The following SLC1A5 variants were observed in gnomAD, a reference collection of about 807,000 sequenced individuals.
SLC1A5 encodes the protein neutral amino acid transporter B(0).
SLC1A5 carries 25 observed loss-of-function variants against 34.9 expected under a neutral mutation model. That is an observed-to-expected ratio of 0.72 (90% CI 0.52 to 1.00). SLC1A5 has a LOEUF of 1.00. Among genes scored for constraint, SLC1A5 ranks in the 50% least tolerant of loss-of-function variants. SLC1A5 has a pLI of 0.00. For missense variants in SLC1A5, 637 were observed against 740.0 expected (o/e 0.86, Z 1.61); for synonymous variants, 351 against 341.2 (o/e 1.03, Z -0.32).
intron 4 of SLC1A5, 37 bp downstream of exon 4, chr19:46,782,346 A>ACCCCACCCCCCCCC: frequency 1.8e-6 from 1 of 567,986 alleles, no homozygotes; most frequent in Non-Finnish European, 3.2e-6. Flanking sequence ...CGACCCTCCA[A>ACCCCACCCCCCCCC]CCCCACCCAC....
chr19:46,782,692 C>T, intron 3 of SLC1A5, 143 bp from the exon 4 acceptor site: 1 of 911,528 alleles, frequency 1.1e-6, no homozygotes, highest in South Asian at 1.7e-5. Flanking sequence ...CAGTCCAGGT[C>T]CAGGGGAAAT....
Position 46,779,207 on chromosome 19 carries a change from C to A in SLC1A5, c.825-299G>T, listed in dbSNP as rs895705105. Among the ~76,000 whole-genome samples the A allele has an allele frequency of 2.6e-5, 4 of 151,048 alleles. No homozygotes were observed. The South Asian group carries it at 8.4e-4, about 32-fold the overall frequency. ...TGGGAGGCTGAGGTGGGTGGATCAC[C>A]TGAGGTCGGGAGTTCAAGACCAGCC... On this transcript the variant is annotated intron_variant, in intron 4 of 7. Transcript: ENST00000542575.
intron 1 of SLC1A5, 106 bp from the exon 2 acceptor site, chr19:46,784,665 G>T (rs773796046): frequency 1.2e-6 from 2 of 1,604,304 alleles, no homozygotes; most frequent in African/African-American, 2.7e-5. Context: ...AGCTTTGGGG[G>T]CCCGCCTGCA....
At position 46,775,767 on chromosome 19, in the gene SLC1A5, A is replaced by G. The variant is rs1380733182; in HGVS notation, c.1389-20T>C. ...CGGTCGCTAAAGGGGTAGAAATGAC[A>G]GCAAAGTAAGCGGGAGGGGAGAGGG... On this transcript the variant is annotated intron_variant, in intron 7 of 7. Coordinates refer to ENST00000542575, the MANE Select transcript of SLC1A5 (RefSeq NM_005628.3). The G allele has an allele frequency of 6.2e-7, 1 of 1,606,798 alleles. No individual in the cohort carries two copies. The highest frequency in any genetic ancestry group is 8.5e-7 in the Non-Finnish European group (1 of 1,174,954).
chr19:46,777,401 C>T lies in SLC1A5; in HGVS notation c.1063G>A (p.Ala355Thr). Residue 355 changes from alanine (A) to threonine (T), a missense_variant, in exon 6 of 8, where the codon GCC becomes ACC. Physicochemically the swap from Ala to Thr is moderately conservative, Grantham distance 58. Coordinates refer to ENST00000542575, the MANE Select transcript of SLC1A5 (RefSeq NM_005628.3). ...ATAFGTSSSS[A>T]TLPLMMKCVE... ...CACTTCATCATCAGCGGCAGCGTGGCGGAACTGCAAGGGATGGGGGAGCTG... is the reference window on the plus strand; with the variant it reads ...CACTTCATCATCAGCGGCAGCGTGGTGGAACTGCAAGGGATGGGGGAGCTG... 1 of 1,605,954 alleles carries T rather than the reference C, an allele frequency of 6.2e-7. No individual in the cohort carries two copies.
chr19:46,776,819 T>C, intron 7 of SLC1A5, 156 bp downstream of exon 7: 2 of 775,844 alleles, frequency 2.6e-6, no homozygotes, highest in Non-Finnish European at 4.1e-6. Flanking sequence ...ATGCCATTCC[T>C]TGCCCTCAGG....
chr19:46,776,403 T>C (rs2055089577), intron 7 of SLC1A5, among the ~76,000 whole-genome samples: 1 of 152,032 alleles, frequency 6.6e-6, no homozygotes, highest in Non-Finnish European at 1.5e-5. Context: ...AGATGGGGTT[T>C]CACCATGTTG....
intron 4 of SLC1A5, among the ~76,000 whole-genome samples, chr19:46,780,490 A>G (rs181825834): frequency 1.2e-3 from 183 of 152,014 alleles, no homozygotes; most frequent in African/African-American, 4.2e-3. Flanking sequence ...AGTAGTAGCT[A>G]GGATTAAAGG....
Position 46,778,688 on chromosome 19 carries a change from CA to C in SLC1A5, c.1044del (p.Phe348LeufsTer12), listed in dbSNP as rs1359450723. ...WGIVTPLATA[F>X]GTSSSSATLP... ...CCAAGGCCGTACCTGGAAGAGGTCC[CA>C]AAGGCAGTGGCCAGCGGCGTCACGA... On this transcript the variant is annotated frameshift_variant, in exon 5 of 8. Coordinates refer to ENST00000542575, the MANE Select transcript of SLC1A5 (RefSeq NM_005628.3). LOFTEE classifies it high-confidence loss of function. 3 of 1,612,280 alleles carry C rather than the reference CA, an allele frequency of 1.9e-6. No homozygotes were observed. The highest frequency in any genetic ancestry group is 2.5e-6 in the Non-Finnish European group (3 of 1,178,958).
At chr19:46,786,517 G>T (rs1010740946) in intron 1 of SLC1A5, among the ~76,000 whole-genome samples, 1 of 152,172 alleles carries the variant, frequency 6.6e-6, no homozygotes, top group Non-Finnish European at 1.5e-5. Context: ...CCCCAGTCTC[G>T]CATCTCAGCC....
At chr19:46,782,346 A>ACCCCCCCCCCCCCCCCCCCCACACCCCC in intron 4 of SLC1A5, 37 bp downstream of exon 4, 1 of 567,986 alleles carries the variant, frequency 1.8e-6, no homozygotes, top group Non-Finnish European at 3.2e-6. Context: ...CGACCCTCCA[A>ACCCCCCCCCCCCCCCCCCCCACACCCCC]CCCCACCCAC....
chr19:46,781,226 A>G (rs2122690124), intron 4 of SLC1A5, among the ~76,000 whole-genome samples: 1 of 152,328 alleles, frequency 6.6e-6, no homozygotes, highest in East Asian at 1.9e-4. Context: ...TTTACAGACA[A>G]TAAGTGATCT....
intron 1 of SLC1A5, among the ~76,000 whole-genome samples, chr19:46,785,981 A>C (rs975116352): frequency 7.9e-5 from 12 of 151,654 alleles, no homozygotes; most frequent in Admixed American, 5.9e-4. Context: ...AATCACTTAA[A>C]TCCAGGAGGT....
intron 5 of SLC1A5, among the ~76,000 whole-genome samples, chr19:46,778,359 C>T (rs1201429480): frequency 6.6e-6 from 1 of 152,048 alleles, no homozygotes; most frequent in Admixed American, 6.6e-5. Context: ...ACCCAGGAGG[C>T]AGAGGTTGCA....
intron 4 of SLC1A5, 32 bp downstream of exon 4, chr19:46,782,351 A>ACACCCCCCC: frequency 1.2e-5 from 3 of 256,182 alleles, no homozygotes; most frequent in East Asian, 1.5e-4. Flanking sequence ...CTCCAACCCC[A>ACACCCCCCC]CCCACCCCCA....
Position 46,778,720 on chromosome 19 carries a change from C to G in SLC1A5, c.1013G>C (p.Trp338Ser). Reference protein sequence around the residue: ...FTRKNPYRFLWGIVTPLATAF... With the variant: ...FTRKNPYRFLSGIVTPLATAF... ...AGTGGCCAGCGGCGTCACGATGCCC[C>G]ACAGGAAGCGGTAGGGGTTTTTGCG... Residue 338 changes from tryptophan to serine, a missense_variant, in exon 5 of 8, where the codon TGG (tryptophan) becomes TCG (serine). Trp to Ser is a radical substitution (Grantham distance 177). Coordinates refer to ENST00000542575, the MANE Select transcript of SLC1A5 (RefSeq NM_005628.3). 1 of 1,614,014 alleles carries G rather than the reference C, an allele frequency of 6.2e-7. No individual in the cohort carries two copies. Among genetic ancestry groups the G allele is most frequent in the South Asian group, 1.1e-5 (1 of 91,070 alleles).
At chr19:46,782,342 T>TGCAAACCCCCCCCCCCCCCCCCCCC in intron 4 of SLC1A5, 41 bp downstream of exon 4, 3 of 523,368 alleles carry the variant, frequency 5.7e-6, no homozygotes, top group Non-Finnish European at 1.0e-5. Context: ...AGACCGACCC[T>TGCAAACCCCCCCCCCCCCCCCCCCC]CCAACCCCAC....
At chr19:46,782,346 A>AACCCCCCCCCCCCCC in intron 4 of SLC1A5, 37 bp downstream of exon 4, 58 of 567,944 alleles carry the variant, frequency 1.0e-4, no homozygotes, top group Middle Eastern at 1.0e-3. Context: ...CGACCCTCCA[A>AACCCCCCCCCCCCCC]CCCCACCCAC....
At position 46,782,452 on chromosome 19, in the gene SLC1A5, C is replaced by T. The variant is rs956605349; in HGVS notation, c.755G>A (p.Gly252Glu). The change falls in exon 4 of 8, where the codon GGG (glycine) becomes GAG (glutamate). Residue 252 changes from glycine (G) to glutamate (E), a missense_variant. Coordinates refer to ENST00000542575, the MANE Select transcript of SLC1A5 (RefSeq NM_005628.3). ...GTTGAAGAAGCGGATAAGCAGCTCC[C>T]CTTCAGGCCCCAGCTTCCGCAGCGC... is the stretch of plus-strand genomic sequence containing the variant. ...GVALRKLGPE[G>E]ELLIRFFNSF... 1 of 1,613,962 alleles carries T rather than the reference C, an allele frequency of 6.2e-7. No individual in the cohort carries two copies. The highest frequency in any genetic ancestry group is 1.3e-5 in the African/African-American group (1 of 74,946).
Sources: gnomAD v4.1 joint callset for allele counts (sites outside exome capture counted in the v4.1 genomes callset) on GRCh38, gnomAD v4.1.1 for gene constraint, MANE v1.5 for transcripts, NCBI Gene and HGNC (gene_info 2026-07-23, HGNC 2026-07-21) for gene names.